FRAS1: variants seen among roughly 807,000 people sequenced by gnomAD.
The protein encoded by FRAS1 is extracellular matrix organizing protein FRAS1.
A neutral mutation model predicts 435.2 loss-of-function variants in FRAS1; 290 were observed. The observed-to-expected ratio is 0.67, with a 90% CI of 0.61 to 0.73. FRAS1 has a LOEUF of 0.73. Ranked by LOEUF, FRAS1 falls within the 30% of genes least tolerant of loss-of-function variation. The probability of loss-of-function intolerance (pLI) is 0.00; values close to 1 mark genes in which losing one functional copy is unlikely to be tolerated. For synonymous variants in FRAS1, 1,800 were observed against 1,851.0 expected (o/e 0.97, Z 0.71); for missense variants, 4,860 against 5,001.5 (o/e 0.97, Z 0.85).
At chr4:78,365,737 T>TAAAAA (rs531246410) in intron 22 of FRAS1, among the ~76,000 whole-genome samples, 6 of 132,136 alleles carry the variant, frequency 4.5e-5, no homozygotes, top group Admixed American at 7.4e-5. Flanking sequence ...TCTAGTACAT[T>TAAAAA]AAAAAAAAAA....
At chr4:78,240,337 A>G (rs1724947255) in intron 3 of FRAS1, among the ~76,000 whole-genome samples, 2 of 152,208 alleles carry the variant, frequency 1.3e-5, no homozygotes, top group Non-Finnish European at 2.9e-5. Flanking sequence ...GCACAACTGG[A>G]GCACTGATAG....
chr4:78,180,936 C>T, intron 2 of FRAS1: 1 of 1,609,860 alleles, frequency 6.2e-7, no homozygotes, highest in Non-Finnish European at 8.5e-7. Context: ...GTCGGTCCTG[C>T]TGCCACGGTT....
intron 6 of FRAS1, among the ~76,000 whole-genome samples, chr4:78,264,402 A>AT (rs752833514): frequency 3.3e-5 from 5 of 152,022 alleles, no homozygotes; most frequent in African/African-American, 4.8e-5. Flanking sequence ...GATATGAGTG[A>AT]TTTTTTTTCA....
At chr4:78,403,274 G>GT (rs1167914034) in intron 30 of FRAS1, among the ~76,000 whole-genome samples, 5 of 152,056 alleles carry the variant, frequency 3.3e-5, no homozygotes, top group African/African-American at 7.2e-5. Flanking sequence ...TGAATTAAAT[G>GT]TTTTTTTAAG....
intron 36 of FRAS1, 147 bp from the exon 37 acceptor site, chr4:78,430,145 G>A: frequency 1.1e-6 from 1 of 890,838 alleles, no homozygotes; most frequent in South Asian, 1.5e-5. Flanking sequence ...TTACTCTTTT[G>A]TGCCTGATTG....
intron 2 of FRAS1, among the ~76,000 whole-genome samples, chr4:78,208,485 C>G (rs1329255485): frequency 1.3e-5 from 2 of 151,884 alleles, no homozygotes; most frequent in Non-Finnish European, 2.9e-5. Flanking sequence ...TGTCAGTTAT[C>G]AAGGAGGCAA....
intron 4 of FRAS1, among the ~76,000 whole-genome samples, chr4:78,247,843 T>C (rs989143203): frequency 6.6e-6 from 1 of 152,142 alleles, no homozygotes; most frequent in African/African-American, 2.4e-5. Context: ...AACTTTGGAA[T>C]GGTGATCTGA....
rs577844707 is a variant in FRAS1 at position 78,209,850 on chromosome 4, C to T, written c.109-27660C>T. 5.3e-5 allele frequency among the ~76,000 whole-genome samples: 8 copies of T among 152,300 alleles called. No homozygotes were observed. The South Asian group carries it at 1.2e-3, about 24-fold the overall frequency. On this transcript the variant is annotated intron_variant, in intron 2 of 73. Transcript: ENST00000512123. ...TCGTCAAGGAGGCTAATTTCATTCA[C>T]CTTCTTTACTGTTGACCTGCCTCTC...
At chr4:78,114,407 A>T (rs903152486) in intron 2 of FRAS1, among the ~76,000 whole-genome samples, 3 of 152,190 alleles carry the variant, frequency 2.0e-5, no homozygotes, top group African/African-American at 7.2e-5. Flanking sequence ...TTGAATCTAT[A>T]AATTACCTTG....
chr4:78,383,879 A>G (rs1281145899), intron 27 of FRAS1, among the ~76,000 whole-genome samples, 180 bp from the exon 28 acceptor site: 2 of 152,186 alleles, frequency 1.3e-5, no homozygotes, highest in Non-Finnish European at 2.9e-5. Flanking sequence ...TTTTACCTGA[A>G]TCTTACTATG....
chr4:78,330,498 T>C (rs1729903049), intron 18 of FRAS1, among the ~76,000 whole-genome samples: 2 of 152,228 alleles, frequency 1.3e-5, no homozygotes, highest in South Asian at 4.1e-4. Flanking sequence ...GAGCCATATT[T>C]CTCTTCTTTC....
intron 2 of FRAS1, among the ~76,000 whole-genome samples, chr4:78,126,043 C>T (rs538946307): frequency 4.6e-5 from 7 of 152,326 alleles, no homozygotes; most frequent in East Asian, 3.9e-4. Flanking sequence ...CCACCCAGTT[C>T]GAGCTTCCCT....
intron 22 of FRAS1, among the ~76,000 whole-genome samples, chr4:78,366,724 C>T (rs1350573621): frequency 1.3e-5 from 2 of 152,162 alleles, no homozygotes; most frequent in Admixed American, 6.5e-5. Context: ...TCACTGTCCT[C>T]CTGCACTTGC....
intron 56 of FRAS1, among the ~76,000 whole-genome samples, chr4:78,481,110 C>A (rs1036618206): frequency 6.6e-6 from 1 of 152,212 alleles, no homozygotes; most frequent in African/African-American, 2.4e-5. Flanking sequence ...CATCTCACAG[C>A]ATGTTGGCTA....
At chr4:78,327,256 A>C (rs1729754746) in intron 18 of FRAS1, among the ~76,000 whole-genome samples, 1 of 152,008 alleles carries the variant, frequency 6.6e-6, no homozygotes, top group African/African-American at 2.4e-5. Flanking sequence ...GAAGAAGGAA[A>C]AGGAGGGTAC....
In FRAS1 at chr4:78,458,076, G is replaced by T. The variant is rs563126460; in HGVS notation, c.6763+5722G>T. Among the ~76,000 whole-genome samples the T allele has an allele frequency of 7.2e-5, 11 of 152,298 alleles. No individual in the cohort carries two copies. The South Asian group carries it at 1.0e-3, about 14-fold the overall frequency. On this transcript the variant is annotated intron_variant, in intron 47 of 73. Transcript: ENST00000512123. ...GAGAGGTCAAAGCGAGAACTTCCAG[G>T]TAATGTCCTGGGCTTTGACTCAGCC...
At chr4:78,324,708 CTTTTTTTTT>C (rs139942839) in intron 18 of FRAS1, among the ~76,000 whole-genome samples, 2 of 88,122 alleles carry the variant, frequency 2.3e-5, no homozygotes, top group South Asian at 4.0e-4. Context: ...GCTCAGATTC[CTTTTTTTTT>C]TTTTTTTTTT....
At chr4:78,336,853 C>T (rs991995039) in intron 19 of FRAS1, among the ~76,000 whole-genome samples, 1 of 152,172 alleles carries the variant, frequency 6.6e-6, no homozygotes, top group Non-Finnish European at 1.5e-5. Flanking sequence ...CAGAGAAGTT[C>T]TTAAATCTGC....
At chr4:78,134,083 C>T (rs546552696) in intron 2 of FRAS1, among the ~76,000 whole-genome samples, 7 of 151,654 alleles carry the variant, frequency 4.6e-5, no homozygotes, top group African/African-American at 4.9e-5. Flanking sequence ...CTCAGCCTCC[C>T]GAGTAGCTGG....
Sources: gnomAD v4.1 joint callset for allele counts (sites outside exome capture counted in the v4.1 genomes callset) on GRCh38, gnomAD v4.1.1 for gene constraint, MANE v1.5 for transcripts, NCBI Gene and HGNC (gene_info 2026-07-23, HGNC 2026-07-21) for gene names.